Variants in ATP2B4 observed in about 807,000 individuals in gnomAD.
ATP2B4 encodes the protein plasma membrane calcium-transporting ATPase 4.
In ATP2B4, 39 loss-of-function variants were observed where a neutral mutation model predicts 110.3. The ratio of observed to expected loss-of-function variants is 0.35; its 90% CI spans 0.27 to 0.46. The LOEUF is 0.46. Ranked by LOEUF, ATP2B4 falls within the 20% of genes least tolerant of loss-of-function variation. The probability of loss-of-function intolerance (pLI) is 1.00; values close to 1 mark genes in which losing one functional copy is unlikely to be tolerated. For missense variants in ATP2B4, 1,135 were observed against 1,530.9 expected, an observed-to-expected ratio of 0.74 and a Z score of 4.32; for synonymous variants, 538 against 571.7, an observed-to-expected ratio of 0.94 and a Z score of 0.84.
chr1:203,684,607 C>T (rs929432781), intron 2 of ATP2B4, among the ~76,000 whole-genome samples: 7 of 151,892 alleles, frequency 4.6e-5, no homozygotes, highest in Non-Finnish European at 8.8e-5. Flanking sequence ...ATCTGCCTGC[C>T]TTGGCCTCCC....
chr1:203,641,799 C>T (rs1463021383), intron 1 of ATP2B4, among the ~76,000 whole-genome samples: 1 of 151,902 alleles, frequency 6.6e-6, no homozygotes, highest in African/African-American at 2.4e-5. Context: ...TTCTAATACA[C>T]AAAAAAAGGT....
intron 1 of ATP2B4, among the ~76,000 whole-genome samples, chr1:203,675,789 C>A (rs1029347247): frequency 7.9e-5 from 12 of 152,016 alleles, no homozygotes; most frequent in African/African-American, 2.7e-4. Flanking sequence ...ACTGAGCCTG[C>A]GAGTGACATC....
At chr1:203,639,431 C>G (rs1178719241) in intron 1 of ATP2B4, among the ~76,000 whole-genome samples, 1 of 152,184 alleles carries the variant, frequency 6.6e-6, no homozygotes, top group African/African-American at 2.4e-5. Flanking sequence ...GGATGATTGT[C>G]CCAAGCCTGG....
Position 203,711,006 on chromosome 1 carries a change from G to A in ATP2B4, c.1929G>A (p.Arg643=). Residue 643 remains arginine, a synonymous_variant, in exon 12 of 21, where the codon CGG becomes CGA. Coordinates refer to ENST00000357681, the MANE Select transcript of ATP2B4 (RefSeq NM_001684.5). ...DGLRTICIAY[R]DFDDTEPSWD... The stretch of plus-strand genomic sequence containing the variant: ...TCCGGACTATCTGCATAGCTTACCG[G>A]GACTTCGATGACACAGAGCCCTCTT... 6.2e-7 allele frequency: 1 copy of A among 1,614,052 alleles called. No homozygotes were observed. The highest frequency in any genetic ancestry group is 8.5e-7 in the Non-Finnish European group (1 of 1,179,992).
At chr1:203,701,918 T>C (rs1665704076) in intron 6 of ATP2B4, 126 bp from the exon 7 acceptor site, 1 of 878,590 alleles carries the variant, frequency 1.1e-6, no homozygotes, top group African/African-American at 1.7e-5. Flanking sequence ...TTTACATTTA[T>C]GTCCCTTCCC....
chr1:203,731,847 C>A (rs2102233681), intron 20 of ATP2B4, among the ~76,000 whole-genome samples: 1 of 13,916 alleles, frequency 7.2e-5, no homozygotes, highest in South Asian at 3.7e-3. Context: ...GAGACTCTGT[C>A]TCAAAAAAAA....
At chr1:203,712,180 G>A (rs1301592592) in intron 13 of ATP2B4, 41 bp downstream of exon 13, 7 of 1,597,338 alleles carry the variant, frequency 4.4e-6, no homozygotes, top group Non-Finnish European at 3.4e-6. Flanking sequence ...CACCTGACAA[G>A]GAAAAGGCGG....
chr1:203,707,399 T>G (rs540856899), intron 9 of ATP2B4, among the ~76,000 whole-genome samples, 176 bp downstream of exon 9: 11 of 152,130 alleles, frequency 7.2e-5, no homozygotes, highest in Non-Finnish European at 1.6e-4. Flanking sequence ...TGCATCAATG[T>G]TGAAATGACC....
At chr1:203,638,853 T>A (rs1277267215) in intron 1 of ATP2B4, among the ~76,000 whole-genome samples, 3 of 152,214 alleles carry the variant, frequency 2.0e-5, no homozygotes, top group African/African-American at 7.2e-5. Context: ...TTACTGTTGC[T>A]GTTATTATTA....
At position 203,709,301 on chromosome 1, in the gene ATP2B4, C is replaced by G. The variant is rs200211590; in HGVS notation, c.1558C>G (p.Pro520Ala). ...GTGCTGTGTATATTTCTTCTCCCAG[C>G]CTCCAGAGAAGGAGGGAGGCCTGCC... The part of the protein sequence containing the change: ...INSAYTSKIL[P>A]PEKEGGLPRQ... Residue 520 changes from proline to alanine, a missense_variant and splice_region_variant, in exon 11 of 21, where the codon CCT becomes GCT. This residue lies in a region of ATP2B4 where 368 missense variants were observed against 455.9 expected (regional missense o/e 0.81). Coordinates refer to ENST00000357681, the MANE Select transcript of ATP2B4 (RefSeq NM_001684.5). The G allele has an allele frequency of 6.2e-7, 1 of 1,614,200 alleles. No homozygotes were observed. The highest frequency in any genetic ancestry group is 8.5e-7 in the Non-Finnish European group (1 of 1,180,028).
At chr1:203,737,377 A>G (rs1356248247) in intron 20 of ATP2B4, among the ~76,000 whole-genome samples, 1 of 152,196 alleles carries the variant, frequency 6.6e-6, no homozygotes, top group Non-Finnish European at 1.5e-5. Flanking sequence ...TCTTGAAAAC[A>G]TATGAAAAAT....
chr1:203,638,041 G>A (rs1224071307), intron 1 of ATP2B4, among the ~76,000 whole-genome samples: 1 of 152,124 alleles, frequency 6.6e-6, no homozygotes, highest in African/African-American at 2.4e-5. Context: ...CTAGAATTTG[G>A]CAGGGCTCAA....
rs1663191404 is a variant in ATP2B4, at chr1:203,629,404, C to T, written c.-465+2185C>T. ...GTGGAGGCTCAGAGTGCAGCTATTC[C>T]TGCAGCCGGCCTTCCTATTTTCAGT... On this transcript the variant is annotated intron_variant, in intron 1 of 20. Transcript: ENST00000357681. This position sits in a 1 kb window ranked among gnomAD's most constrained non-coding sequence, Gnocchi z 4.6. Among the ~76,000 whole-genome samples the T allele has an allele frequency of 1.3e-5, 2 of 152,254 alleles. No homozygotes were observed.
intron 2 of ATP2B4, among the ~76,000 whole-genome samples, chr1:203,686,964 G>A (rs904140489): frequency 2.0e-5 from 3 of 149,424 alleles, no homozygotes; most frequent in African/African-American, 7.4e-5. Flanking sequence ...CAAAGTGCTG[G>A]GATTACAGGC....
rs557286855 is a variant in ATP2B4 at position 203,699,888 on chromosome 1, G to A, written c.649+171G>A. On this transcript the variant is annotated intron_variant, in intron 4 of 20. Transcript: ENST00000357681. ...GGTTGTGGGAAGCCATTTCAGAAAG[G>A]AGTAGCTGAAACTCTGTCGCAAGAT... 2.6e-5 allele frequency among the ~76,000 whole-genome samples: 4 copies of A among 152,312 alleles called. No individual in the cohort carries two copies. In the South Asian group the frequency reaches 8.3e-4, roughly 32 times the overall value.
intron 1 of ATP2B4, among the ~76,000 whole-genome samples, chr1:203,678,224 G>A (rs1664886288): frequency 6.6e-6 from 1 of 152,066 alleles, no homozygotes; most frequent in Non-Finnish European, 1.5e-5. Context: ...ACCTATACAA[G>A]GTATCACTCT....
intron 1 of ATP2B4, among the ~76,000 whole-genome samples, chr1:203,672,065 T>G (rs1664680764): frequency 6.6e-6 from 1 of 152,156 alleles, no homozygotes; most frequent in Non-Finnish European, 1.5e-5. Context: ...GAAGACAAAG[T>G]GGCTTTGTCT....
rs751460668 is a variant in ATP2B4, at chr1:203,683,195, C to T, written c.-11C>T. 3 of 1,611,380 alleles carry T rather than the reference C, an allele frequency of 1.9e-6. No homozygotes were observed. The highest frequency in any genetic ancestry group is 1.3e-5 in the African/African-American group (1 of 74,898). On this transcript the variant is annotated 5_prime_UTR_variant, in exon 2 of 21. Coordinates refer to ENST00000357681, the MANE Select transcript of ATP2B4 (RefSeq NM_001684.5). ...CTTCTCTGGTTGAGGGGCTTGGTAACAGCAGGCAAAATGACGAACCCATCA... is the reference window on the plus strand; with the variant it reads ...CTTCTCTGGTTGAGGGGCTTGGTAATAGCAGGCAAAATGACGAACCCATCA...
At chr1:203,709,174 A>C in intron 10 of ATP2B4, 127 bp from the exon 11 acceptor site, 1 of 1,340,438 alleles carries the variant, frequency 7.5e-7, no homozygotes, top group East Asian at 2.3e-5. Flanking sequence ...GAAAAAAAAA[A>C]ATGTTATTTC....
Sources: allele counts gnomAD v4.1 joint callset (sites outside exome capture counted in the v4.1 genomes callset), GRCh38; gene constraint gnomAD v4.1.1; regional missense constraint gnomAD v4.1.1; non-coding constraint Gnocchi (gnomAD v3.1); transcripts MANE v1.5; gene names NCBI Gene and HGNC (gene_info 2026-07-23, HGNC 2026-07-21).